Variants in ZNF233 observed in about 807,000 individuals in gnomAD.
The protein encoded by ZNF233 is zinc finger protein 233.
ZNF233 carries 7 observed loss-of-function variants against 11.6 expected under a neutral mutation model. That is an observed-to-expected ratio of 0.60 (90% CI 0.34 to 1.13). ZNF233 has a LOEUF of 1.13. Among genes scored for constraint, ZNF233 ranks in the 50% most tolerant of loss-of-function variants. ZNF233 has a pLI of 0.03. For synonymous variants in ZNF233, 226 were observed against 268.5 expected (o/e 0.84, Z 1.55); for missense variants, 711 against 785.5 (o/e 0.91, Z 1.13).
chr19:44,274,488 C>T lies in ZNF233; in HGVS notation c.1828C>T (p.His610Tyr), dbSNP rs1311496235. ...GFIWNSYLHVHQRIHTGEKPY... is the reference protein window; with the variant it reads ...GFIWNSYLHVYQRIHTGEKPY... ...CATCTGGAACTCATATCTTCATGTT[C>T]ATCAGAGGATCCACACGGGAGAGAA... Residue 610 changes from histidine to tyrosine, a missense_variant, in exon 5 of 5, where the codon CAT becomes TAT. Physicochemically the swap from His to Tyr is moderately conservative, Grantham distance 83. Coordinates refer to ENST00000683810, the MANE Select transcript of ZNF233 (RefSeq NM_001207005.2). 1 of 1,613,972 alleles carries T rather than the reference C, an allele frequency of 6.2e-7. No homozygotes were observed. Among genetic ancestry groups the T allele is most frequent in the Admixed American group, 1.7e-5 (1 of 59,990 alleles).
intron 1 of ZNF233, among the ~76,000 whole-genome samples, chr19:44,262,429 T>C (rs1279406090): frequency 6.6e-6 from 1 of 152,162 alleles, no homozygotes; most frequent in African/African-American, 2.4e-5. Flanking sequence ...CTGGTACATG[T>C]AGTGAGCAGA....
chr19:44,266,329 G>A lies in ZNF233; in HGVS notation c.142+5G>A, dbSNP rs1399312876. ...TCAGGAACCTGCTGTCAGTGGGTGA[G>A]CACAGGCACCTTCTGTAACTGAATA... On this transcript the variant is annotated splice_donor_5th_base_variant and intron_variant, in intron 3 of 4. Transcript: ENST00000683810. The A allele has an allele frequency of 8.2e-6, 13 of 1,592,816 alleles. No homozygotes were observed. The South Asian group carries it at 1.5e-4, about 18-fold the overall frequency.
Position 44,273,385 on chromosome 19 carries a change from A to G in ZNF233, c.725A>G (p.Asp242Gly), listed in dbSNP as rs1382786258. 7 of 1,614,122 alleles carry G rather than the reference A, an allele frequency of 4.3e-6. No homozygotes were observed. The Admixed American group carries it at 1.2e-4, about 27-fold the overall frequency. Reference sequence around the variant, plus strand: ...TTTAGCCACAATAATTGTGGAAAAGACTGTGTGAAGGAATCATCCCAGCAT... The same window carrying G: ...TTTAGCCACAATAATTGTGGAAAAGGCTGTGTGAAGGAATCATCCCAGCAT... ...KAFSHNNCGK[D>G]CVKESSQHSI... Residue 242 changes from aspartate (D) to glycine (G), a missense_variant, in exon 5 of 5, where the codon GAC becomes GGC. Asp to Gly is a moderately conservative substitution (Grantham distance 94). Coordinates refer to ENST00000683810, the MANE Select transcript of ZNF233 (RefSeq NM_001207005.2).
intron 3 of ZNF233, 141 bp downstream of exon 3, chr19:44,266,465 A>G: frequency 8.6e-7 from 1 of 1,156,436 alleles, no homozygotes; most frequent in Non-Finnish European, 1.2e-6. Context: ...CATCTTGTCT[A>G]TACCTTGTCT....
In ZNF233 at chr19:44,273,334, A is replaced by G. The variant is rs1568636843; in HGVS notation, c.674A>G (p.His225Arg). 2 of 1,614,226 alleles carry G rather than the reference A, an allele frequency of 1.2e-6. No individual in the cohort carries two copies. The highest frequency in any genetic ancestry group is 1.7e-6 in the Non-Finnish European group (2 of 1,180,038). ...RQRIAHQHDD[H>R]GVHKREKAFS... is the part of the protein sequence containing the mutation. Reference sequence around the variant, plus strand: ...AGAATTGCTCATCAACATGATGATCATGGAGTACACAAAAGAGAGAAAGCT... The same window carrying G: ...AGAATTGCTCATCAACATGATGATCGTGGAGTACACAAAAGAGAGAAAGCT... Residue 225 changes from histidine to arginine, a missense_variant, in exon 5 of 5, where the codon CAT (histidine) becomes CGT (arginine). By Grantham distance (29) the His-to-Arg change is conservative (BLOSUM62 0). Coordinates refer to ENST00000683810, the MANE Select transcript of ZNF233 (RefSeq NM_001207005.2).
rs766822786 is a variant in ZNF233 at position 44,273,526 on chromosome 19, T to A, written c.866T>A (p.Val289Asp). Residue 289 changes from valine (V) to aspartate (D), a missense_variant, in exon 5 of 5, where the codon GTT becomes GAT. Val to Asp is a radical substitution (Grantham distance 152). Transcript: ENST00000683810. ...LHLRDKPHVN[V>D]EYGKGIGYSS... is the part of the protein sequence containing the mutation. Reference sequence around the variant, plus strand: ...TTAAGAGACAAGCCTCATGTAAATGTTGAGTACGGGAAGGGCATAGGTTAC... The same window carrying A: ...TTAAGAGACAAGCCTCATGTAAATGATGAGTACGGGAAGGGCATAGGTTAC... The A allele has an allele frequency of 2.5e-6, 4 of 1,614,046 alleles. No homozygotes were observed. Among genetic ancestry groups the A allele is most frequent in the Non-Finnish European group, 3.4e-6 (4 of 1,180,026 alleles).
intron 4 of ZNF233, among the ~76,000 whole-genome samples, chr19:44,270,174 C>A (rs1176056113): frequency 6.6e-6 from 1 of 152,004 alleles, no homozygotes; most frequent in Non-Finnish European, 1.5e-5. Context: ...TTTATGACAC[C>A]TGTGTTAGTT....
chr19:44,263,952 A>G (rs566116522), intron 1 of ZNF233, among the ~76,000 whole-genome samples: 91 of 152,256 alleles, frequency 6.0e-4, no homozygotes, highest in African/African-American at 2.0e-3. Flanking sequence ...GCAGGTGACA[A>G]ATTTGAGGAA....
intron 1 of ZNF233, among the ~76,000 whole-genome samples, chr19:44,261,067 T>G (rs1215779409): frequency 6.6e-6 from 1 of 152,166 alleles, no homozygotes; most frequent in Non-Finnish European, 1.5e-5. Context: ...GGAAAGAGCC[T>G]GAACTGGGAG....
In ZNF233 at chr19:44,266,873, A is replaced by G; in HGVS notation, c.150A>G (p.Gln50=). The stretch of plus-strand genomic sequence containing the variant: ...GCCATTTCTTTTTCACAGGCTATCA[A>G]CCCTTCAAACTAGATGTGATATTAC... ...NFRNLLSVGY[Q]PFKLDVILQL... Residue 50 remains glutamine (Q), a synonymous_variant, in exon 4 of 5, where the codon CAA becomes CAG. Coordinates refer to ENST00000683810, the MANE Select transcript of ZNF233 (RefSeq NM_001207005.2). 1 of 1,613,120 alleles carries G rather than the reference A, an allele frequency of 6.2e-7. No homozygotes were observed. The highest frequency in any genetic ancestry group is 8.5e-7 in the Non-Finnish European group (1 of 1,179,510).
Position 44,274,811 on chromosome 19 carries a change from TTA to T in ZNF233, c.*141_*142del. 1.4e-6 allele frequency: 1 copy of T among 739,704 alleles called. No homozygotes were observed. Among genetic ancestry groups the T allele is most frequent in the South Asian group, 2.7e-5 (1 of 36,656 alleles). 45.8% of individuals were successfully genotyped at this position (739,704 alleles called of 1,614,324 possible). On this transcript the variant is annotated 3_prime_UTR_variant, in exon 5 of 5. Transcript: ENST00000683810. ...TTTTAAGAATTCATGAGCTGAGTTT[TTA>T]TAGTTATCTGAATTCCATTGAAGAA...
intron 4 of ZNF233, chr19:44,268,072 T>G (rs1975139990): frequency 1.3e-5 from 2 of 151,982 alleles, no homozygotes; most frequent in South Asian, 4.2e-4. Context: ...ATAAAAAAAT[T>G]TAAAAAATTA....
intron 1 of ZNF233, among the ~76,000 whole-genome samples, chr19:44,262,407 C>G (rs886757712): frequency 6.6e-6 from 1 of 152,268 alleles, no homozygotes; most frequent in South Asian, 2.1e-4. Context: ...ATTCAGGCCT[C>G]GAAAAGTGGC....
Position 44,274,326 on chromosome 19 carries a change from C to A in ZNF233, c.1666C>A (p.Gln556Lys). 2 of 1,609,812 alleles carry A rather than the reference C, an allele frequency of 1.2e-6. No homozygotes were observed. Among genetic ancestry groups the A allele is most frequent in the Non-Finnish European group, 1.7e-6 (2 of 1,178,954 alleles). ...GAGTTCGCATCTCCAAGACCATCAG[C>A]AAGTCCATACTGGAGAGAATCCCTA... Reference protein sequence around the residue: ...SQSSHLQDHQQVHTGENPYKC... With the variant: ...SQSSHLQDHQKVHTGENPYKC... The change falls in exon 5 of 5, where the codon CAA (glutamine) becomes AAA (lysine). Residue 556 changes from glutamine (Q) to lysine (K), a missense_variant. Transcript: ENST00000683810.
In ZNF233 at chr19:44,274,281, T is replaced by G. The variant is rs368288751; in HGVS notation, c.1621T>G (p.Cys541Gly). The G allele has an allele frequency of 6.2e-7, 1 of 1,613,350 alleles. No individual in the cohort carries two copies. Among genetic ancestry groups the G allele is most frequent in the Admixed American group, 1.7e-5 (1 of 59,962 alleles). The change falls in exon 5 of 5, where the codon TGT (cysteine) becomes GGT (glycine). Residue 541 changes from cysteine to glycine, a missense_variant. By Grantham distance (159) the Cys-to-Gly change is radical. Transcript: ENST00000683810. ...KGEKPYKCET[C>G]GKGFSQSSHL... ...AGAGAAGCCATACAAATGTGAGACA[T>G]GTGGGAAGGGCTTTAGTCAGAGTTC...
At chr19:44,265,266 T>C (rs1975041215) in intron 2 of ZNF233, among the ~76,000 whole-genome samples, 2 of 151,946 alleles carry the variant, frequency 1.3e-5, no homozygotes, top group Non-Finnish European at 2.9e-5. Flanking sequence ...ATTCCTGAGT[T>C]ACTTCACAGA....
chr19:44,269,305 T>C (rs1459209914), intron 4 of ZNF233, among the ~76,000 whole-genome samples: 1 of 152,058 alleles, frequency 6.6e-6, no homozygotes, highest in Non-Finnish European at 1.5e-5. Context: ...TGTTTTTTTT[T>C]TCTTTTTTTG....
chr19:44,273,645 C>G lies in ZNF233; in HGVS notation c.985C>G (p.Leu329Val), dbSNP rs770419326. The G allele has an allele frequency of 2.5e-6, 4 of 1,614,002 alleles. No homozygotes were observed. In the Admixed American group the frequency reaches 6.7e-5, roughly 27 times the overall value. The change falls in exon 5 of 5, where the codon CTG becomes GTG. Residue 329 changes from leucine (L) to valine (V), a missense_variant. By Grantham distance (32) the Leu-to-Val change is conservative. Transcript: ENST00000683810. ...TGAGGGCTTCAGTCAGGGCTCACAT[C>G]TGCAACCTCATCAGAGAGTCAGCAC... ...SGEGFSQGSH[L>V]QPHQRVSTGE...
chr19:44,266,726 A>G (rs1032557242), intron 3 of ZNF233, 140 bp from the exon 4 acceptor site: 6 of 561,442 alleles, frequency 1.1e-5, no homozygotes, highest in African/African-American at 9.4e-5. Flanking sequence ...CCGGATCACA[A>G]ATTAAAAGGT....
Sources: gnomAD v4.1 joint callset for allele counts (sites outside exome capture counted in the v4.1 genomes callset) on GRCh38, gnomAD v4.1.1 for gene constraint, MANE v1.5 for transcripts, NCBI Gene and HGNC (gene_info 2026-07-23, HGNC 2026-07-21) for gene names.